Variants in ASPA observed in about 807,000 individuals in gnomAD.
ASPA encodes the protein aspartoacylase.
Under a neutral mutation model 29.6 loss-of-function variants are expected in ASPA, and 25 were observed. The observed-to-expected ratio is 0.85, with a 90% CI of 0.62 to 1.18. The LOEUF (loss-of-function observed/expected upper bound fraction) is 1.18, where lower values mean the gene tolerates loss of function less well. Among genes scored for constraint, ASPA ranks in the 50% most tolerant of loss-of-function variants. The pLI is 0.00. For missense variants in ASPA, 333 were observed against 385.7 expected (o/e 0.86, Z 1.14); for synonymous variants, 131 against 130.3 (o/e 1.01, Z -0.04).
In ASPA at chr17:3,485,682, T is replaced by G. The variant is rs1378617318; in HGVS notation, c.526+2090T>G. ...TCCAGGTTGTTTTCTGACCCTCTCC[T>G]TATCAAGACCTGTCAAAGATCTGAG... On this transcript the variant is annotated intron_variant, in intron 3 of 5. Coordinates refer to ENST00000263080, the MANE Select transcript of ASPA (RefSeq NM_000049.4). The surrounding 1 kb of genome is among the most constrained non-coding windows in gnomAD (Gnocchi z 4.4). Among the ~76,000 whole-genome samples, 3 of 152,216 alleles carry G rather than the reference T, an allele frequency of 2.0e-5. No homozygotes were observed. The highest frequency in any genetic ancestry group is 7.2e-5 in the African/African-American group (3 of 41,454).
chr17:3,493,458 G>A (rs1451490719), intron 4 of ASPA, among the ~76,000 whole-genome samples: 1 of 151,258 alleles, frequency 6.6e-6, no homozygotes, highest in Admixed American at 6.6e-5. Context: ...CTACTCAGGA[G>A]GCTGAGGCAG....
chr17:3,486,660 A>G (rs2073727621), intron 3 of ASPA, among the ~76,000 whole-genome samples: 1 of 152,240 alleles, frequency 6.6e-6, no homozygotes, highest in South Asian at 2.1e-4. Flanking sequence ...TACAATTAAA[A>G]TTACAACTTA....
upstream of ASPA, among the ~76,000 whole-genome samples, chr17:3,475,179 T>C (rs2073502829): frequency 1.3e-5 from 2 of 152,192 alleles, no homozygotes; most frequent in South Asian, 4.1e-4. Context: ...TCAAATCAGA[T>C]TTGGCTCAGA....
At chr17:3,475,656 G>A, upstream of ASPA, 1 of 168,462 alleles carries the variant, frequency 5.9e-6, no homozygotes, top group Admixed American at 5.6e-5. Context: ...CTCAGATCAT[G>A]AAAAGTGCTT....
intron 4 of ASPA, among the ~76,000 whole-genome samples, chr17:3,494,073 G>A (rs1254199688): frequency 7.4e-6 from 1 of 135,948 alleles, no homozygotes; most frequent in Non-Finnish European, 1.6e-5. Context: ...TTTCACTCTT[G>A]TTGCCCAGGT....
chr17:3,483,085 G>A (rs1206064453), intron 2 of ASPA, among the ~76,000 whole-genome samples: 1 of 151,856 alleles, frequency 6.6e-6, no homozygotes, highest in South Asian at 2.1e-4. Flanking sequence ...GGAGGAGGGG[G>A]AATCACCCAA....
intron 1 of ASPA, among the ~76,000 whole-genome samples, chr17:3,478,705 G>A (rs926178658): frequency 3.9e-5 from 6 of 152,132 alleles, no homozygotes; most frequent in Non-Finnish European, 5.9e-5. Flanking sequence ...AGACTAGACT[G>A]TTCCCAGCGT....
intron 1 of ASPA, among the ~76,000 whole-genome samples, chr17:3,479,830 T>C (rs951941868): frequency 6.6e-6 from 1 of 152,006 alleles, no homozygotes; most frequent in African/African-American, 2.4e-5. Flanking sequence ...GGAATACAAA[T>C]AGATGGAATT....
At chr17:3,486,693 G>T (rs573831738) in intron 3 of ASPA, among the ~76,000 whole-genome samples, 221 of 152,238 alleles carry the variant, frequency 1.5e-3, no homozygotes, top group Admixed American at 4.6e-3. Context: ...TTAAATCTCA[G>T]ATGGTTTAGC....
At position 3,500,991 on chromosome 17, in the gene ASPA, A is replaced by G. The variant is rs1426974525; in HGVS notation, c.*1903A>G. 4 of 152,162 alleles carry G rather than the reference A, an allele frequency of 2.6e-5. No homozygotes were observed. The South Asian group carries it at 8.3e-4, about 31-fold the overall frequency. The allele number at this position is 152,162 out of a possible 1,614,324, so 9.4% of individuals were successfully genotyped here. A position where few individuals can be genotyped will look rare whatever the true frequency, so the allele number is the denominator to read the frequency against. ...TTTCAAAATACTACTGCTGATTGAC[A>G]ATACACCATGTTACCCAAGAGCTCT... On this transcript the variant is annotated 3_prime_UTR_variant, in exon 6 of 6. Transcript: ENST00000263080.
chr17:3,491,355 A>G (rs1165145124), intron 4 of ASPA, among the ~76,000 whole-genome samples: 1 of 152,208 alleles, frequency 6.6e-6, no homozygotes, highest in Non-Finnish European at 1.5e-5. Flanking sequence ...TGAGAACTGT[A>G]AATAAATTCT....
intron 5 of ASPA, among the ~76,000 whole-genome samples, chr17:3,496,782 C>T (rs1199688163): frequency 6.6e-6 from 1 of 152,074 alleles, no homozygotes; most frequent in Admixed American, 6.6e-5. Flanking sequence ...AATGCTGATT[C>T]CTGGCCAGGA....
chr17:3,498,821 A>G, intron 5 of ASPA, 70 bp from the exon 6 acceptor site: 1 of 1,331,860 alleles, frequency 7.5e-7, no homozygotes, highest in Non-Finnish European at 1.0e-6. Context: ...TTAGTTGTCT[A>G]GAGTCTGACA....
At chr17:3,496,601 C>A (rs778825311) in intron 5 of ASPA, among the ~76,000 whole-genome samples, 3 of 152,176 alleles carry the variant, frequency 2.0e-5, no homozygotes, top group Non-Finnish European at 2.9e-5. Context: ...AAACACAGTT[C>A]AGGACCCGGT....
chr17:3,474,941 C>G (rs2073499432), upstream of ASPA, among the ~76,000 whole-genome samples: 1 of 152,210 alleles, frequency 6.6e-6, no homozygotes, highest in African/African-American at 2.4e-5. Context: ...AACTGAGTTA[C>G]TTAACCTCTC....
intron 1 of ASPA, among the ~76,000 whole-genome samples, chr17:3,481,064 A>G (rs550937039): frequency 6.6e-6 from 1 of 152,166 alleles, no homozygotes; most frequent in Non-Finnish European, 1.5e-5. Flanking sequence ...TTGAGGGTAC[A>G]GTGATCCATA....
At chr17:3,487,583 T>G (rs1485481237) in intron 3 of ASPA, among the ~76,000 whole-genome samples, 2 of 152,232 alleles carry the variant, frequency 1.3e-5, no homozygotes, top group African/African-American at 4.8e-5. Flanking sequence ...TATCTCTTAT[T>G]GCTAAGCCTT....
chr17:3,496,058 G>A (rs1297298946), intron 5 of ASPA, among the ~76,000 whole-genome samples: 1 of 152,214 alleles, frequency 6.6e-6, no homozygotes, highest in Non-Finnish European at 1.5e-5. Context: ...GGAGAAGTGA[G>A]ATGAATGAGA....
chr17:3,483,402 G>C, intron 2 of ASPA, 97 bp from the exon 3 acceptor site: 1 of 1,012,810 alleles, frequency 9.9e-7, no homozygotes, highest in Non-Finnish European at 1.6e-6. Flanking sequence ...CTTAGTTGAT[G>C]AAGTAAAACG....
Sources: gnomAD v4.1 joint callset for allele counts (sites outside exome capture counted in the v4.1 genomes callset) on GRCh38, gnomAD v4.1.1 for gene constraint, Gnocchi (gnomAD v3.1) non-coding constraint, MANE v1.5 for transcripts, NCBI Gene and HGNC (gene_info 2026-07-23, HGNC 2026-07-21) for gene names.